Variants in IL19 observed in about 807,000 individuals in gnomAD.
IL19 encodes the protein interleukin-19.
Under a neutral mutation model 19.5 loss-of-function variants are expected in IL19, and 15 were observed. The observed-to-expected ratio is 0.77, with a 90% confidence interval of 0.52 to 1.19. The LOEUF (loss-of-function observed/expected upper bound fraction) is 1.19, where lower values mean the gene tolerates loss of function less well. IL19 is among the 50% of genes most tolerant of loss of function. The pLI, the probability that IL19 is intolerant of heterozygous loss-of-function variation, is 0.00. For missense variants in IL19, 199 were observed against 213.1 expected (o/e 0.93, Z 0.41); for synonymous variants, 78 against 78.3 (o/e 1.00, Z 0.02).
At chr1:206,830,173 G>T (rs773190762) in intron 2 of IL19, among the ~76,000 whole-genome samples, 6 of 152,304 alleles carry the variant, frequency 3.9e-5, no homozygotes, top group Admixed American at 6.5e-5. Context: ...ATAGAGGTTT[G>T]AGAGCAGTTG....
chr1:206,810,735 C>A (rs536940604), intron 2 of IL19, among the ~76,000 whole-genome samples: 1 of 152,362 alleles, frequency 6.6e-6, no homozygotes, highest in South Asian at 2.1e-4. Context: ...CCCTCCAAAT[C>A]TCATGCTGAA....
At chr1:206,799,122 G>A (rs1675608091) in intron 2 of IL19, 116 bp downstream of exon 2, 2 of 745,168 alleles carry the variant, frequency 2.7e-6, no homozygotes, top group South Asian at 1.6e-5. Flanking sequence ...TGAACTGACA[G>A]GACTGCCTTT....
chr1:206,780,753 T>G (rs1439667854), intron 1 of IL19, among the ~76,000 whole-genome samples: 1 of 152,178 alleles, frequency 6.6e-6, no homozygotes, highest in African/African-American at 2.4e-5. Context: ...CTTTTTCAGA[T>G]CAGTACCTAA....
chr1:206,834,421 C>A (rs1408464604), intron 2 of IL19: 3 of 985,514 alleles, frequency 3.0e-6, no homozygotes, highest in African/African-American at 3.5e-5. Context: ...CGCTGTCCGT[C>A]ATCAGGGGCT....
At chr1:206,824,774 T>C (rs1676388664) in intron 2 of IL19, among the ~76,000 whole-genome samples, 1 of 152,216 alleles carries the variant, frequency 6.6e-6, no homozygotes, top group African/African-American at 2.4e-5. Flanking sequence ...AAAAAATCTT[T>C]TTTTTGAGAT....
At chr1:206,771,824 G>A (rs1674853558) in intron 1 of IL19, among the ~76,000 whole-genome samples, 1 of 152,190 alleles carries the variant, frequency 6.6e-6, no homozygotes, top group African/African-American at 2.4e-5. Context: ...CAGGGATTAA[G>A]AAGCTCCTTC....
chr1:206,834,060 T>A (rs1462973181), intron 2 of IL19: 1 of 985,462 alleles, frequency 1.0e-6, no homozygotes, highest in African/African-American at 1.7e-5. Context: ...GAAAGTGACC[T>A]AAGTTGGATT....
chr1:206,804,397 A>G (rs1247512313), intron 2 of IL19, among the ~76,000 whole-genome samples: 1 of 152,118 alleles, frequency 6.6e-6, no homozygotes, highest in Non-Finnish European at 1.5e-5. Flanking sequence ...CTTGATTTTT[A>G]TCTGTTTCTG....
chr1:206,836,091 A>G (rs1413452791), intron 2 of IL19, among the ~76,000 whole-genome samples: 2 of 152,216 alleles, frequency 1.3e-5, no homozygotes, highest in Non-Finnish European at 2.9e-5. Flanking sequence ...GTTCTTGAAG[A>G]TGCCTTGTGC....
chr1:206,813,433 T>G (rs970627421), intron 2 of IL19, among the ~76,000 whole-genome samples: 1 of 152,114 alleles, frequency 6.6e-6, no homozygotes, highest in Admixed American at 6.5e-5. Flanking sequence ...CAGAATCAGC[T>G]TCAGCATGTG....
chr1:206,772,505 C>G (rs1674883674), intron 1 of IL19: 1 of 1,379,438 alleles, frequency 7.2e-7, no homozygotes, highest in East Asian at 2.3e-5. Flanking sequence ...AGACCTTCAC[C>G]TCTCTGTCCC....
intron 2 of IL19, among the ~76,000 whole-genome samples, chr1:206,814,489 G>A (rs1054011432): frequency 1.4e-5 from 2 of 148,038 alleles, no homozygotes; most frequent in Non-Finnish European, 3.0e-5. Context: ...CCAGGCATTC[G>A]AGATCAGCCT....
chr1:206,776,237 G>A (rs1458542757), intron 1 of IL19, among the ~76,000 whole-genome samples: 1 of 152,112 alleles, frequency 6.6e-6, no homozygotes, highest in Non-Finnish European at 1.5e-5. Flanking sequence ...TGTCATCCAG[G>A]ACCCGTTTTT....
At chr1:206,827,939 A>G (rs192498389) in intron 2 of IL19, among the ~76,000 whole-genome samples, 2 of 152,344 alleles carry the variant, frequency 1.3e-5, no homozygotes, top group African/African-American at 4.8e-5. Context: ...ACACAAAAAT[A>G]GTATTGACCT....
rs139186391 is a variant in IL19 at position 206,839,906 on chromosome 1, G to C, written c.267G>C (p.Val89=). The part of the protein sequence containing the change: ...KNLLAFYVDR[V]FKDHQEPNPK... ...TCCTGGCGTTCTACGTGGACAGGGT[G>C]TTCAAGGATCATCAGGAGCCAAACC... is the stretch of plus-strand genomic sequence containing the variant. The change falls in exon 5 of 7, where the codon GTG becomes GTC. Residue 89 remains valine, a synonymous_variant. Transcript: ENST00000659997. 6.2e-7 allele frequency: 1 copy of C among 1,614,098 alleles called. No individual in the cohort carries two copies. The highest frequency in any genetic ancestry group is 2.2e-5 in the East Asian group (1 of 44,880).
At chr1:206,825,231 A>G (rs987844924) in intron 2 of IL19, among the ~76,000 whole-genome samples, 1 of 152,258 alleles carries the variant, frequency 6.6e-6, no homozygotes, top group Non-Finnish European at 1.5e-5. Context: ...TAGTTGGTGC[A>G]TAAGTAACTC....
chr1:206,813,371 T>G (rs1277851763), intron 2 of IL19, among the ~76,000 whole-genome samples: 1 of 152,202 alleles, frequency 6.6e-6, no homozygotes, highest in African/African-American at 2.4e-5. Flanking sequence ...ATCATAACTT[T>G]TTTTTTCCCT....
intron 2 of IL19, among the ~76,000 whole-genome samples, chr1:206,811,109 A>G (rs1675994937): frequency 1.3e-5 from 2 of 152,208 alleles, no homozygotes; most frequent in African/African-American, 4.8e-5. Context: ...AAATAGACTA[A>G]GATAAATACC....
Position 206,842,596 on chromosome 1 carries a change from A to C in IL19, c.508A>C (p.Asn170His). The C allele has an allele frequency of 2.5e-6, 4 of 1,572,408 alleles. No individual in the cohort carries two copies. Among genetic ancestry groups the C allele is most frequent in the Non-Finnish European group, 3.5e-6 (4 of 1,156,074 alleles). ...CGTCTTTCTAGCCTGGATTAATAAG[A>C]ATCATGAAGTAATGTTCTCAGCTTG... ...LDVFLAWINKNHEVMFSA is the reference protein window; with the variant it reads ...LDVFLAWINKHHEVMFSA Residue 170 changes from asparagine to histidine, a missense_variant, in exon 7 of 7, where the codon AAT becomes CAT. Physicochemically the swap from Asn to His is moderately conservative, Grantham distance 68. Coordinates refer to ENST00000659997, the MANE Select transcript of IL19 (RefSeq NM_153758.5).
Sources: allele counts gnomAD v4.1 joint callset (sites outside exome capture counted in the v4.1 genomes callset), GRCh38; gene constraint gnomAD v4.1.1; transcripts MANE v1.5; gene names NCBI Gene and HGNC (gene_info 2026-07-23, HGNC 2026-07-21).